SATB2: variants seen among roughly 807,000 people sequenced by gnomAD.
SATB2 encodes the protein SATB homeobox 2, also known as DNA-binding protein SATB2.
A neutral mutation model predicts 73.4 loss-of-function variants in SATB2; 1 was observed. That is an observed-to-expected ratio of 0.01 (90% CI 0.00 to 0.06). The LOEUF is 0.06. SATB2 is among the 10% of genes least tolerant of loss of function. The probability of loss-of-function intolerance (pLI) is 1.00; values close to 1 mark genes in which losing one functional copy is unlikely to be tolerated. For synonymous variants in SATB2, 397 were observed against 367.0 expected (o/e 1.08, Z -0.93); for missense variants, 459 against 945.8 (o/e 0.49, Z 6.75).
Position 199,457,090 on chromosome 2 carries a change from T to C in SATB2, c.-60+249A>G, listed in dbSNP as rs1042134462. Reference sequence around the variant, plus strand: ...ACTGCGTGCGCGCTGGGAATCCTCGTGGGCGCTCTGGCCGCGCGAGCAGTG... The same window carrying C: ...ACTGCGTGCGCGCTGGGAATCCTCGCGGGCGCTCTGGCCGCGCGAGCAGTG... On this transcript the variant is annotated intron_variant, in intron 1 of 10. Coordinates refer to ENST00000417098, the MANE Select transcript of SATB2 (RefSeq NM_001172509.2). This position sits in a 1 kb window ranked among gnomAD's most constrained non-coding sequence, Gnocchi z 4.8. 6.6e-6 allele frequency among the ~76,000 whole-genome samples: 1 copy of C among 151,966 alleles called. No individual in the cohort carries two copies. The highest frequency in any genetic ancestry group is 1.5e-5 in the Non-Finnish European group (1 of 67,986).
chr2:199,348,541 G>T (rs1361886962), intron 7 of SATB2, 160 bp downstream of exon 7: 2 of 696,174 alleles, frequency 2.9e-6, no homozygotes, highest in Non-Finnish European at 5.0e-6. Context: ...GTCATGCATG[G>T]ATCAATGGTA....
chr2:199,427,785 A>C (rs554056772), intron 3 of SATB2, among the ~76,000 whole-genome samples: 2 of 152,272 alleles, frequency 1.3e-5, no homozygotes, highest in Admixed American at 1.3e-4. Flanking sequence ...CATTTCAAAC[A>C]CTGAACAATT....
At chr2:199,373,790 C>T (rs1689517103) in intron 5 of SATB2, among the ~76,000 whole-genome samples, 1 of 152,170 alleles carries the variant, frequency 6.6e-6, no homozygotes, top group African/African-American at 2.4e-5. Context: ...CATGAGTCCA[C>T]GAGGTTGGGA....
At chr2:199,286,118 CT>C (rs1692680294) in intron 10 of SATB2, among the ~76,000 whole-genome samples, 1 of 115,954 alleles carries the variant, frequency 8.6e-6, no homozygotes, top group Admixed American at 1.0e-4. Context: ...ATACCAACAG[CT>C]TTGGTATAGT....
At chr2:199,317,780 T>C (rs572821006) in intron 9 of SATB2, among the ~76,000 whole-genome samples, 1 of 152,042 alleles carries the variant, frequency 6.6e-6, no homozygotes, top group South Asian at 2.1e-4. Flanking sequence ...TTCTTGAGAT[T>C]ATACCAAGAG....
At chr2:199,298,578 G>A (rs1426170457) in intron 10 of SATB2, among the ~76,000 whole-genome samples, 4 of 151,488 alleles carry the variant, frequency 2.6e-5, no homozygotes, top group South Asian at 2.1e-4. Flanking sequence ...TTTGTAGATC[G>A]AGTTTGTTAA....
chr2:199,280,281 T>A (rs560198683), intron 10 of SATB2, among the ~76,000 whole-genome samples: 1 of 152,288 alleles, frequency 6.6e-6, no homozygotes, highest in African/African-American at 2.4e-5. Context: ...CTTAATCCCA[T>A]CATCTTCGTA....
intron 2 of SATB2, among the ~76,000 whole-genome samples, chr2:199,445,250 C>T (rs1351142946): frequency 6.6e-6 from 1 of 152,064 alleles, no homozygotes. Flanking sequence ...GCTTGTTTCC[C>T]ACTAACCACC....
intron 3 of SATB2, chr2:199,396,086 G>A (rs1338071849): frequency 1.3e-5 from 2 of 152,148 alleles, no homozygotes; most frequent in African/African-American, 2.4e-5. Flanking sequence ...GCTAAATTAG[G>A]CAACTGACAA....
chr2:199,339,634 T>C (rs1334533913), intron 7 of SATB2, among the ~76,000 whole-genome samples: 1 of 152,186 alleles, frequency 6.6e-6, no homozygotes, highest in Admixed American at 6.5e-5. Context: ...CATTGTGTTC[T>C]ATTACTCTAT....
intron 5 of SATB2, among the ~76,000 whole-genome samples, chr2:199,372,660 C>T (rs7585392): frequency 0.13 from 19,459 of 152,064 alleles, 1,464 homozygotes; most frequent in South Asian, 0.32. Context: ...GGGAGACTAA[C>T]GAATGAATGG....
chr2:199,313,733 A>G (rs1377952519), intron 9 of SATB2, among the ~76,000 whole-genome samples: 1 of 152,228 alleles, frequency 6.6e-6, no homozygotes. Flanking sequence ...TTTCTGGAAG[A>G]TGAATAAAAA....
intron 3 of SATB2, among the ~76,000 whole-genome samples, chr2:199,429,932 T>A (rs1348117617): frequency 1.3e-5 from 2 of 152,010 alleles, no homozygotes; most frequent in Non-Finnish European, 2.9e-5. Flanking sequence ...TTAATTAAAT[T>A]AATCAACAGT....
At chr2:199,304,910 A>G (rs778575148) in intron 10 of SATB2, among the ~76,000 whole-genome samples, 19 of 152,160 alleles carry the variant, frequency 1.2e-4, no homozygotes, top group Non-Finnish European at 2.8e-4. Context: ...ATGTCCCTCA[A>G]TGGTTCAGGC....
chr2:199,397,823 G>A (rs1351570996), intron 3 of SATB2: 2 of 402,320 alleles, frequency 5.0e-6, no homozygotes, highest in Non-Finnish European at 9.9e-6. Context: ...CAGGAGGCAG[G>A]GTTTGCTGCT....
chr2:199,347,401 T>C (rs1688685522), intron 7 of SATB2: 1 of 152,226 alleles, frequency 6.6e-6, no homozygotes, highest in Non-Finnish European at 1.5e-5. Flanking sequence ...TCCTGCATTT[T>C]TTAACTCAAC....
In SATB2 at chr2:199,280,958, C is replaced by T. The variant is rs571240084; in HGVS notation, c.1741-8286G>A. ...CACTAATAAAAACTTGCTGGTTTTG[C>T]GGCTTGTGGGGCATCAGGGAACCTG... On this transcript the variant is annotated intron_variant, in intron 10 of 10. Transcript: ENST00000417098. Among the ~76,000 whole-genome samples, 923 of 152,258 alleles carry T rather than the reference C, an allele frequency of 6.1e-3. 4 individuals carry two copies. Among genetic ancestry groups the T allele is most frequent in the Non-Finnish European group, 0.011 (754 of 68,020 alleles).
chr2:199,356,166 A>T (rs1688976033), intron 6 of SATB2, among the ~76,000 whole-genome samples: 1 of 151,264 alleles, frequency 6.6e-6, no homozygotes, highest in African/African-American at 2.4e-5. Flanking sequence ...CCTTAATAAG[A>T]TAACACTCTA....
At chr2:199,317,438 GCAAGTTTCCAAAGTTAC>G (rs1687767558) in intron 9 of SATB2, among the ~76,000 whole-genome samples, 1 of 152,018 alleles carries the variant, frequency 6.6e-6, no homozygotes, top group Non-Finnish European at 1.5e-5. Context: ...AAAGACACAT[GCAAGTTTCCAAAGTTAC>G]CAAGTCAGGA....
Sources: gnomAD v4.1 joint callset for allele counts (sites outside exome capture counted in the v4.1 genomes callset) on GRCh38, gnomAD v4.1.1 for gene constraint, Gnocchi (gnomAD v3.1) non-coding constraint, MANE v1.5 for transcripts, NCBI Gene and HGNC (gene_info 2026-07-23, HGNC 2026-07-21) for gene names.